Variants in SPEF2 observed in about 807,000 individuals in gnomAD.
The protein encoded by SPEF2 is sperm flagella and cilia-associated protein 2.
In SPEF2, 187 loss-of-function variants were observed where a neutral mutation model predicts 224.6. That is an observed-to-expected ratio of 0.83 (90% CI 0.74 to 0.94). The LOEUF is 0.94. Ranked by LOEUF, SPEF2 falls within the 40% of genes least tolerant of loss-of-function variation. SPEF2 has a pLI of 0.00. For missense variants in SPEF2, 2,170 were observed against 2,135.6 expected (o/e 1.02, Z -0.32); for synonymous variants, 715 against 707.3 (o/e 1.01, Z -0.17).
chr5:35,778,460 C>T (rs538700674), intron 29 of SPEF2, among the ~76,000 whole-genome samples: 1 of 152,108 alleles, frequency 6.6e-6, no homozygotes, highest in Non-Finnish European at 1.5e-5. Flanking sequence ...AACTCAGATT[C>T]CAGCACTCTT....
chr5:35,689,373 A>G (rs183583014), intron 10 of SPEF2, among the ~76,000 whole-genome samples: 7 of 152,262 alleles, frequency 4.6e-5, no homozygotes, highest in Admixed American at 3.9e-4. Context: ...TTTGTTACAG[A>G]TAGTTACAGA....
At chr5:35,655,174 G>A (rs951568637) in intron 7 of SPEF2, among the ~76,000 whole-genome samples, 3 of 152,098 alleles carry the variant, frequency 2.0e-5, no homozygotes, top group African/African-American at 4.8e-5. Flanking sequence ...GTTCCTGGAC[G>A]AACAGCACCA....
chr5:35,751,010 T>C (rs560661781), intron 23 of SPEF2, among the ~76,000 whole-genome samples: 12 of 119,056 alleles, frequency 1.0e-4, no homozygotes, highest in Admixed American at 3.5e-4. Context: ...TATATATATA[T>C]ACGTATATAT....
chr5:35,707,534 T>A (rs1199335451), intron 18 of SPEF2, among the ~76,000 whole-genome samples: 1 of 152,158 alleles, frequency 6.6e-6, no homozygotes. Flanking sequence ...TAAGCACATG[T>A]AAAGAGAAAT....
chr5:35,792,924 A>G (rs925488173), intron 31 of SPEF2, among the ~76,000 whole-genome samples: 93 of 152,350 alleles, frequency 6.1e-4, no homozygotes, highest in Middle Eastern at 3.4e-3. Context: ...AATTGATGGT[A>G]TAATGGTAAG....
Position 35,800,037 on chromosome 5 carries a change from T to C in SPEF2, c.4900T>C (p.Tyr1634His). The C allele has an allele frequency of 6.2e-7, 1 of 1,614,176 alleles. No homozygotes were observed. Among genetic ancestry groups the C allele is most frequent in the Non-Finnish European group, 8.5e-7 (1 of 1,180,018 alleles). ...PQLDYTQMLL[Y>H]FACHPDTVEG... ...GCTTGACTACACACAGATGCTGCTT[T>C]ACTTTGCTTGCCACCCAGACACCGT... The change falls in exon 34 of 37, where the codon TAC becomes CAC. Residue 1634 changes from tyrosine (Y) to histidine (H), a missense_variant. By Grantham distance (83) the Tyr-to-His change is moderately conservative. Transcript: ENST00000356031.
chr5:35,633,379 A>G (rs1438134330), intron 2 of SPEF2, among the ~76,000 whole-genome samples: 1 of 152,132 alleles, frequency 6.6e-6, no homozygotes, highest in African/African-American at 2.4e-5. Flanking sequence ...TTTTAACAAT[A>G]TAAAATATTC....
intron 2 of SPEF2, among the ~76,000 whole-genome samples, chr5:35,630,523 C>T (rs753720990): frequency 4.6e-5 from 7 of 152,152 alleles, no homozygotes; most frequent in African/African-American, 7.2e-5. Context: ...GGTGAAACCC[C>T]GTCTCTACTA....
rs140465664 is a variant in SPEF2 at position 35,623,550 on chromosome 5, G to C, written c.59-4910G>C. 6.3e-3 allele frequency among the ~76,000 whole-genome samples: 965 copies of C among 152,266 alleles called. 9 individuals are homozygous for C. The highest frequency in any genetic ancestry group is 0.021 in the African/African-American group (884 of 41,546). On this transcript the variant is annotated intron_variant, in intron 1 of 36. Coordinates refer to ENST00000356031, the MANE Select transcript of SPEF2 (RefSeq NM_024867.4). ...AAAATCTGACCAGAAATGCCATAAG[G>C]CTGTTTAGTCCTTATTTATTTCACT...
intron 1 of SPEF2, among the ~76,000 whole-genome samples, chr5:35,620,972 A>G (rs983478494): frequency 1.3e-5 from 2 of 152,210 alleles, no homozygotes; most frequent in African/African-American, 4.8e-5. Context: ...CAAGTGTGTT[A>G]TAGGGATTAC....
rs531356007 is a variant in SPEF2 at position 35,700,388 on chromosome 5, C to G, written c.2142-108C>G. The G allele has an allele frequency of 2.0e-5, 19 of 963,088 alleles. No homozygotes were observed. In the African/African-American group the frequency reaches 3.0e-4, roughly 15 times the overall value. The allele number at this position is 963,088 out of a possible 1,614,324, so 59.7% of individuals were successfully genotyped here. A position where few individuals can be genotyped will look rare whatever the true frequency, so the allele number is the denominator to read the frequency against. On this transcript the variant is annotated intron_variant, in intron 15 of 36. Transcript: ENST00000356031. Reference sequence around the variant, plus strand: ...TAGCTATGAAGTAATGAAATTCATGCAGTAGGAAGTTATTGTGGAATTGAA... The same window carrying G: ...TAGCTATGAAGTAATGAAATTCATGGAGTAGGAAGTTATTGTGGAATTGAA...
intron 2 of SPEF2, among the ~76,000 whole-genome samples, chr5:35,629,151 C>CTTTTTTTTTT (rs768077049): frequency 3.4e-5 from 3 of 88,342 alleles, no homozygotes; most frequent in African/African-American, 1.2e-4. Context: ...TCGATTGTTC[C>CTTTTTTTTTT]TTTTTTTTTT....
chr5:35,670,325 AAT>A (rs1751066703), intron 10 of SPEF2, 98 bp downstream of exon 10: 1 of 1,462,442 alleles, frequency 6.8e-7, no homozygotes, highest in African/African-American at 1.4e-5. Context: ...TACTAATAAA[AAT>A]AGACATGTTT....
intron 30 of SPEF2, among the ~76,000 whole-genome samples, chr5:35,780,480 A>G (rs1754177204): frequency 1.3e-5 from 2 of 152,118 alleles, no homozygotes; most frequent in South Asian, 4.1e-4. Context: ...CTGTGGAGGG[A>G]CGGAGGTGCC....
rs1271486217 is a variant in SPEF2, at chr5:35,659,222, C to T, written c.1167+15C>T. The T allele has an allele frequency of 6.4e-7, 1 of 1,571,212 alleles. No homozygotes were observed. The highest frequency in any genetic ancestry group is 2.3e-5 in the East Asian group (1 of 43,586). On this transcript the variant is annotated intron_variant, in intron 8 of 36. Transcript: ENST00000356031. ...ATCGAGAAGCGGTAAATACCATCTT[C>T]CTTAGAAATCTTTCTAAGGTTACTT...
chr5:35,691,104 T>C lies in SPEF2; in HGVS notation c.1592T>C (p.Ile531Thr). ...VDNLPPSNNC[I>T]LGHILHRLAE... is the part of the protein sequence containing the mutation. ...AATTTACCACCCTCCAACAATTGCATACTGGGCCATATTCTTCACAGGCTA... is the reference window on the plus strand; with the variant it reads ...AATTTACCACCCTCCAACAATTGCACACTGGGCCATATTCTTCACAGGCTA... The change falls in exon 11 of 37, where the codon ATA becomes ACA. Residue 531 changes from isoleucine to threonine, a missense_variant. Transcript: ENST00000356031. 1 of 1,614,122 alleles carries C rather than the reference T, an allele frequency of 6.2e-7. No individual in the cohort carries two copies. Among genetic ancestry groups the C allele is most frequent in the Non-Finnish European group, 8.5e-7 (1 of 1,179,990 alleles).
chr5:35,634,063 A>G (rs1184592836), intron 2 of SPEF2, among the ~76,000 whole-genome samples: 7 of 152,066 alleles, frequency 4.6e-5, no homozygotes, highest in African/African-American at 7.2e-5. Context: ...GAACAAAAAT[A>G]TATTTAAACT....
intron 23 of SPEF2, among the ~76,000 whole-genome samples, chr5:35,745,968 G>A (rs1400104597): frequency 6.6e-6 from 1 of 152,180 alleles, no homozygotes; most frequent in East Asian, 1.9e-4. Flanking sequence ...TCCATGGCTG[G>A]GAGACCCATA....
intron 23 of SPEF2, among the ~76,000 whole-genome samples, chr5:35,751,953 A>G (rs1395886666): frequency 5.9e-5 from 9 of 152,040 alleles, no homozygotes; most frequent in Non-Finnish European, 1.2e-4. Context: ...GTGGAAGACA[A>G]TTTTTCCACA....
Sources: gnomAD v4.1 joint callset for allele counts (sites outside exome capture counted in the v4.1 genomes callset) on GRCh38, gnomAD v4.1.1 for gene constraint, MANE v1.5 for transcripts, NCBI Gene and HGNC (gene_info 2026-07-23, HGNC 2026-07-21) for gene names.